PCSK5: variants seen among roughly 807,000 people sequenced by gnomAD.
PCSK5 encodes prohormone convertase 5.
In PCSK5, 129 loss-of-function variants were observed where a neutral mutation model predicts 233.2. The observed-to-expected ratio is 0.55, with a 90% confidence interval of 0.48 to 0.64. The LOEUF is 0.64. PCSK5 is among the 30% of genes least tolerant of loss of function. PCSK5 has a pLI of 0.00. For missense variants in PCSK5, 2,076 were observed against 2,430.1 expected (o/e 0.85, Z 3.06); for synonymous variants, 825 against 879.2 (o/e 0.94, Z 1.09).
At chr9:75,911,235 T>G (rs74765348) in intron 1 of PCSK5, among the ~76,000 whole-genome samples, 2,132 of 119,418 alleles carry the variant, frequency 0.018, 31 homozygotes, top group South Asian at 0.03. Flanking sequence ...TTTTTTTTGC[T>G]AAGCTATTCT....
intron 3 of PCSK5, among the ~76,000 whole-genome samples, chr9:76,014,815 G>A (rs921172553): frequency 3.9e-5 from 6 of 152,118 alleles, no homozygotes; most frequent in African/African-American, 1.4e-4. Flanking sequence ...CTCTTTCTTA[G>A]ACCTTTACAT....
At chr9:76,139,968 G>A (rs540581083) in intron 10 of PCSK5, among the ~76,000 whole-genome samples, 3 of 152,132 alleles carry the variant, frequency 2.0e-5, no homozygotes, top group African/African-American at 7.2e-5. Flanking sequence ...ATGCCCACTT[G>A]TCTCATCAGA....
At chr9:76,217,811 A>G (rs1825589983) in intron 20 of PCSK5, among the ~76,000 whole-genome samples, 1 of 152,160 alleles carries the variant, frequency 6.6e-6, no homozygotes, top group African/African-American at 2.4e-5. Context: ...TAGGATGCAA[A>G]CCACGGGGAA....
intron 5 of PCSK5, among the ~76,000 whole-genome samples, chr9:76,034,882 A>G (rs959771556): frequency 6.6e-6 from 1 of 152,138 alleles, no homozygotes; most frequent in African/African-American, 2.4e-5. Context: ...GTTCATCTAG[A>G]TGAGTGAGCA....
intron 35 of PCSK5, among the ~76,000 whole-genome samples, chr9:76,349,490 T>C (rs1162188898): frequency 6.6e-6 from 1 of 152,212 alleles, no homozygotes; most frequent in Non-Finnish European, 1.5e-5. Flanking sequence ...AGTTCAGTAC[T>C]AAAGGTGTTT....
At chr9:76,006,711 G>A (rs974939424) in intron 3 of PCSK5, among the ~76,000 whole-genome samples, 5 of 151,990 alleles carry the variant, frequency 3.3e-5, no homozygotes, top group African/African-American at 7.2e-5. Flanking sequence ...GTTCTTTTGC[G>A]AGTCATATCT....
chr9:75,892,829 A>C (rs1825670519), intron 1 of PCSK5, among the ~76,000 whole-genome samples: 2 of 152,194 alleles, frequency 1.3e-5, no homozygotes, highest in Admixed American at 1.3e-4. Context: ...CATATTCCAG[A>C]GAAGCCAGCC....
intron 14 of PCSK5, 124 bp from the exon 15 acceptor site, chr9:76,179,472 C>T: frequency 1.6e-6 from 1 of 618,088 alleles, no homozygotes. Context: ...ACAATTATTC[C>T]TCTGTCTTAA....
intron 10 of PCSK5, among the ~76,000 whole-genome samples, chr9:76,147,892 C>T (rs557222427): frequency 2.0e-5 from 3 of 152,190 alleles, no homozygotes; most frequent in East Asian, 3.9e-4. Flanking sequence ...TGGACCATGA[C>T]CCTATGTTTT....
At chr9:76,024,969 C>T (rs537321473) in intron 4 of PCSK5, among the ~76,000 whole-genome samples, 23 of 152,226 alleles carry the variant, frequency 1.5e-4, no homozygotes, top group African/African-American at 5.5e-4. Context: ...TCCTCTGTTT[C>T]GGGCCTCTTT....
chr9:76,259,795 A>G (rs1246838261), intron 24 of PCSK5, among the ~76,000 whole-genome samples: 1 of 152,014 alleles, frequency 6.6e-6, no homozygotes, highest in East Asian at 1.9e-4. Flanking sequence ...GCCCTTGTGG[A>G]GCATGGAAGA....
At chr9:76,047,377 T>C (rs1829459461) in intron 5 of PCSK5, among the ~76,000 whole-genome samples, 1 of 152,206 alleles carries the variant, frequency 6.6e-6, no homozygotes, top group Non-Finnish European at 1.5e-5. Context: ...GAAATCTTAC[T>C]GATGCTGAGC....
At chr9:76,015,726 G>A (rs1827921479) in intron 3 of PCSK5, among the ~76,000 whole-genome samples, 1 of 152,156 alleles carries the variant, frequency 6.6e-6, no homozygotes, top group Admixed American at 6.5e-5. Context: ...CAGTTATACA[G>A]CCAACTCTCA....
At position 76,338,239 on chromosome 9, in the gene PCSK5, A is replaced by G; in HGVS notation, c.4758A>G (p.Ala1586=). ...CLLQCREGYY[A]DNSTGRCERC... The stretch of plus-strand genomic sequence containing the variant: ...TCTCCTTTGGTTTCAGATATTACGC[A>G]GACAACTCCACTGGCCGGTGTGAGA... Residue 1586 remains alanine (A), a synonymous_variant, in exon 35 of 38, where the codon GCA becomes GCG. Transcript: ENST00000674117. 6.2e-7 allele frequency: 1 copy of G among 1,611,360 alleles called. No homozygotes were observed. The highest frequency in any genetic ancestry group is 8.5e-7 in the Non-Finnish European group (1 of 1,179,048).
At chr9:75,897,100 T>C (rs866056262) in intron 1 of PCSK5, among the ~76,000 whole-genome samples, 60 of 152,236 alleles carry the variant, frequency 3.9e-4, no homozygotes, top group African/African-American at 1.4e-3. Flanking sequence ...ATCCACCTCA[T>C]AGAGTTGCTG....
intron 28 of PCSK5, among the ~76,000 whole-genome samples, chr9:76,304,331 A>G (rs1412788667): frequency 6.6e-6 from 1 of 152,158 alleles, no homozygotes; most frequent in African/African-American, 2.4e-5. Context: ...GTACCTTTCT[A>G]TCATCTGTAT....
In PCSK5 at chr9:76,272,611, T is replaced by C. The variant is rs532433601; in HGVS notation, c.3143-19622T>C. 1.7e-4 allele frequency among the ~76,000 whole-genome samples: 26 copies of C among 150,936 alleles called. No homozygotes were observed. In the East Asian group the frequency reaches 2.6e-3, roughly 15 times the overall value. On this transcript the variant is annotated intron_variant, in intron 24 of 37. Coordinates refer to ENST00000674117, the MANE Select transcript of PCSK5 (RefSeq NM_001372043.1). Reference sequence around the variant, plus strand: ...AACATAGTGAAACCCCCATCTCTACTAAAATACAAAAAAATTAGCTGGGCA... The same window carrying C: ...AACATAGTGAAACCCCCATCTCTACCAAAATACAAAAAAATTAGCTGGGCA...
At chr9:75,932,316 GA>G in intron 1 of PCSK5, 62 bp from the exon 2 acceptor site, 2 of 987,058 alleles carry the variant, frequency 2.0e-6, no homozygotes, top group Admixed American at 2.2e-5. Flanking sequence ...CAGGAAAACA[GA>G]AGACGGTTTT....
At chr9:75,994,400 C>CTTTTTTTTTTTTTTTTTTTTTTTT (rs550518074) in intron 3 of PCSK5, among the ~76,000 whole-genome samples, 1 of 82,062 alleles carries the variant, frequency 1.2e-5, no homozygotes, top group African/African-American at 5.9e-5. Flanking sequence ...TTCTTTCTTT[C>CTTTTTTTTTTTTTTTTTTTTTTTT]TTTTTTTTTT....
Sources: gnomAD v4.1 joint callset for allele counts (sites outside exome capture counted in the v4.1 genomes callset) on GRCh38, gnomAD v4.1.1 for gene constraint, MANE v1.5 for transcripts, NCBI Gene and HGNC (gene_info 2026-07-23, HGNC 2026-07-21) for gene names.